The following NPC2 variants were observed in gnomAD, a reference collection of about 807,000 sequenced individuals.
NPC2 encodes NPC intracellular cholesterol transporter 2, also known as Niemann-Pick disease type C2 protein.
In NPC2, 14 loss-of-function variants were observed where a neutral mutation model predicts 17.0. The ratio of observed to expected loss-of-function variants is 0.82; its 90% CI spans 0.54 to 1.29. The LOEUF (loss-of-function observed/expected upper bound fraction) is 1.29, where lower values mean the gene tolerates loss of function less well. Ranked by LOEUF, NPC2 falls within the 50% of genes most tolerant of loss-of-function variation. NPC2 has a pLI of 0.00. For missense variants in NPC2, 167 were observed against 183.4 expected (o/e 0.91, Z 0.52); for synonymous variants, 75 against 69.3 (o/e 1.08, Z -0.41).
intron 1 of NPC2, among the ~76,000 whole-genome samples, chr14:74,490,693 C>A (rs765802776): frequency 6.6e-6 from 1 of 152,326 alleles, no homozygotes; most frequent in African/African-American, 2.4e-5. Context: ...GCAAACATTA[C>A]AAAATTAGTT....
At chr14:74,491,066 G>GTTATT (rs1225079067) in intron 1 of NPC2, among the ~76,000 whole-genome samples, 16 of 152,138 alleles carry the variant, frequency 1.1e-4, no homozygotes, top group South Asian at 4.2e-4. Context: ...GATGGAATGA[G>GTTATT]TTATTTTATT....
chr14:74,482,968 C>T (rs2086670580), intron 3 of NPC2: 2 of 669,192 alleles, frequency 3.0e-6, no homozygotes, highest in Admixed American at 3.9e-5. Context: ...TTAAACAGAC[C>T]ACATCACGGG....
intron 1 of NPC2, among the ~76,000 whole-genome samples, chr14:74,486,877 T>A (rs1278250683): frequency 6.6e-6 from 1 of 152,134 alleles, no homozygotes; most frequent in East Asian, 1.9e-4. Context: ...ATGAAAATAT[T>A]CCTATTTTCC....
At chr14:74,480,365 A>T (rs2086643478) in intron 4 of NPC2, 77 bp from the exon 5 acceptor site, 2 of 1,275,392 alleles carry the variant, frequency 1.6e-6, no homozygotes, top group South Asian at 2.4e-5. Context: ...ACCCTAGGGC[A>T]AGTTATCAGA....
chr14:74,493,253 A>G lies in NPC2; in HGVS notation c.22T>C (p.Phe8Leu), dbSNP rs2086796658. ...GCGGTGCTGAGCGCCAGGAGCAGGA[A>G]TGTAGCTGCCAGGAAACGCATCGCG... MRFLAAT[F>L]LLLALSTAAQ... The change falls in exon 1 of 5, where the codon TTC becomes CTC. Residue 8 changes from phenylalanine (F) to leucine (L), a missense_variant. Transcript: ENST00000555619. This position sits in a 1 kb window ranked among gnomAD's most constrained non-coding sequence, Gnocchi z 4.1. The G allele has an allele frequency of 1.9e-6, 3 of 1,613,280 alleles. No individual in the cohort carries two copies. In the South Asian group the frequency reaches 3.3e-5, roughly 18 times the overall value.
chr14:74,480,668 C>T (rs778318131), intron 4 of NPC2, 34 bp downstream of exon 4: 1 of 1,533,032 alleles, frequency 6.5e-7, no homozygotes. Flanking sequence ...TTTCTTCCCT[C>T]CACCCATGCC....
intron 1 of NPC2, 84 bp from the exon 2 acceptor site, chr14:74,486,520 T>A: frequency 9.4e-7 from 1 of 1,059,770 alleles, no homozygotes; most frequent in East Asian, 2.6e-5. Context: ...GGGAAGGTGC[T>A]CTGCTCTCCC....
intron 4 of NPC2, 82 bp downstream of exon 4, chr14:74,480,620 A>G (rs1219406826): frequency 2.6e-6 from 3 of 1,147,070 alleles, no homozygotes; most frequent in Non-Finnish European, 4.0e-6. Context: ...CTTTTATCTT[A>G]TGGCACTGAT....
intron 3 of NPC2, among the ~76,000 whole-genome samples, chr14:74,483,796 T>C (rs1486139952): frequency 1.3e-5 from 2 of 152,244 alleles, no homozygotes; most frequent in Non-Finnish European, 2.9e-5. Flanking sequence ...TGTTAGATAT[T>C]GCTACTATAA....
intron 1 of NPC2, among the ~76,000 whole-genome samples, chr14:74,491,134 G>A (rs1401956810): frequency 1.3e-5 from 2 of 152,036 alleles, no homozygotes; most frequent in Admixed American, 6.6e-5. Flanking sequence ...GTGCAGTGGC[G>A]TGATCTTGGC....
chr14:74,488,715 AAAAAT>A (rs200685681), intron 1 of NPC2, among the ~76,000 whole-genome samples: 3,079 of 152,166 alleles, frequency 0.02, 119 homozygotes, highest in African/African-American at 0.07. Flanking sequence ...CTCTGTCTCA[AAAAAT>A]AAAATAAAAT....
Position 74,480,168 on chromosome 14 carries a change from G to C in NPC2, c.*106C>G. Reference sequence around the variant, plus strand: ...GCACCTCCTCTTCAACGAATCACTGGATACCATTGGAGAGCAAGTCACTGT... The same window carrying C: ...GCACCTCCTCTTCAACGAATCACTGCATACCATTGGAGAGCAAGTCACTGT... On this transcript the variant is annotated 3_prime_UTR_variant, in exon 5 of 5. Transcript: ENST00000555619. The C allele has an allele frequency of 1.9e-6, 3 of 1,611,266 alleles. No individual in the cohort carries two copies. The highest frequency in any genetic ancestry group is 2.5e-6 in the Non-Finnish European group (3 of 1,179,098).
chr14:74,493,321 G>A (rs1412033560), upstream of NPC2: 12 of 1,592,188 alleles, frequency 7.5e-6, no homozygotes, highest in Middle Eastern at 1.7e-4. The surrounding 1 kb of genome is among the most constrained non-coding windows in gnomAD (Gnocchi z 4.1). Flanking sequence ...GCGGCCGCCC[G>A]CGGTCACAAG....
chr14:74,493,312 C>T (rs775366079), upstream of NPC2: 12 of 1,597,040 alleles, frequency 7.5e-6, no homozygotes, highest in Non-Finnish European at 1.0e-5. The surrounding 1 kb of genome is among the most constrained non-coding windows in gnomAD (Gnocchi z 4.1). Flanking sequence ...AAAGAAGCAG[C>T]GGCCGCCCGC....
At chr14:74,482,665 T>C (rs914062795) in intron 3 of NPC2, among the ~76,000 whole-genome samples, 1 of 152,220 alleles carries the variant, frequency 6.6e-6, no homozygotes, top group African/African-American at 2.4e-5. Context: ...TTGCACAGGC[T>C]TTGGAGTTAT....
Position 74,480,702 on chromosome 14 carries a change from G to A in NPC2, c.441C>T (p.Ile147=), listed in dbSNP as rs769285370. Residue 147 remains isoleucine (I), a splice_region_variant and synonymous_variant, in exon 4 of 5, where the codon ATC becomes ATT. Transcript: ENST00000555619. ...CCCTCTCACCCCCAGATAGACTTAC[G>A]ATCTGTACTGGGATTTCCCAGCAGA... ...SLFCWEIPVQ[I]VSHL 6 of 1,612,760 alleles carry A rather than the reference G, an allele frequency of 3.7e-6. No individual in the cohort carries two copies. The highest frequency in any genetic ancestry group is 2.2e-5 in the South Asian group (2 of 91,048).
At chr14:74,483,549 G>A (rs951021440) in intron 3 of NPC2, 1 of 1,435,190 alleles carries the variant, frequency 7.0e-7, no homozygotes, top group African/African-American at 1.4e-5. Flanking sequence ...TTACAGGAAT[G>A]AAGAACTATT....
intron 1 of NPC2, among the ~76,000 whole-genome samples, chr14:74,491,341 G>A (rs1480277619): frequency 6.6e-6 from 1 of 152,158 alleles, no homozygotes; most frequent in Admixed American, 6.5e-5. Context: ...AAAGTGCTGG[G>A]ATTACAGGTG....
At chr14:74,484,329 C>T (rs2086686000) in intron 3 of NPC2, 86 bp downstream of exon 3, 1 of 1,401,210 alleles carries the variant, frequency 7.1e-7, no homozygotes. Flanking sequence ...GGGCCCTTTA[C>T]CCCCATCTCT....
Sources: allele counts gnomAD v4.1 joint callset (sites outside exome capture counted in the v4.1 genomes callset), GRCh38; gene constraint gnomAD v4.1.1; non-coding constraint Gnocchi (gnomAD v3.1); transcripts MANE v1.5; gene names NCBI Gene and HGNC (gene_info 2026-07-23, HGNC 2026-07-21).